Variants in TMEM114 observed in about 807,000 individuals in gnomAD.
The protein encoded by TMEM114 is claudin-26.
In TMEM114, 6 loss-of-function variants were observed where a neutral mutation model predicts 6.2. That is an observed-to-expected ratio of 0.97 (90% CI 0.53 to 1.91). The LOEUF (loss-of-function observed/expected upper bound fraction) is 1.91, where lower values mean the gene tolerates loss of function less well. Ranked by LOEUF, TMEM114 falls within the 40% of genes most tolerant of loss-of-function variation. TMEM114 has a pLI of 0.01. For missense variants in TMEM114, 218 were observed against 158.3 expected (o/e 1.38, Z -2.02); for synonymous variants, 104 against 73.0 (o/e 1.42, Z -2.16).
Position 8,569,693 on chromosome 16 carries a change from G to A in TMEM114, c.*80C>T, listed in dbSNP as rs977516786. 3.4e-6 allele frequency: 5 copies of A among 1,460,132 alleles called. No individual in the cohort carries two copies. The highest frequency in any genetic ancestry group is 2.8e-5 in the South Asian group (2 of 70,762). 90.4% of individuals were successfully genotyped at this position (1,460,132 alleles called of 1,614,324 possible). A position where few individuals can be genotyped will look rare whatever the true frequency, so the allele number is the denominator to read the frequency against. Reference sequence around the variant, plus strand: ...TCCCCGAGTGGCCTTTGAGGAAGAAGAGGCCGCAGCCGATGGAGATCGGTC... The same window carrying A: ...TCCCCGAGTGGCCTTTGAGGAAGAAAAGGCCGCAGCCGATGGAGATCGGTC... On this transcript the variant is annotated 3_prime_UTR_variant, in exon 4 of 4. Transcript: ENST00000620492.
At chr16:8,573,631 T>C (rs1373236798) in intron 2 of TMEM114, among the ~76,000 whole-genome samples, 1 of 152,198 alleles carries the variant, frequency 6.6e-6, no homozygotes, top group Non-Finnish European at 1.5e-5. Context: ...TACTATGAGC[T>C]GGGTGCCAAG....
chr16:8,561,078 C>T (rs780245101), intron 2 of TMEM114, among the ~76,000 whole-genome samples: 3 of 152,300 alleles, frequency 2.0e-5, no homozygotes, highest in Non-Finnish European at 4.4e-5. Flanking sequence ...GGGGAAACTG[C>T]TCCCATGATT....
chr16:8,579,454 TTA>T (rs562171900), intron 2 of TMEM114, among the ~76,000 whole-genome samples: 1 of 150,554 alleles, frequency 6.6e-6, no homozygotes, highest in South Asian at 2.1e-4. Flanking sequence ...TTTTAAAATT[TTA>T]TATATATATA....
downstream of TMEM114, among the ~76,000 whole-genome samples, chr16:8,533,598 T>C (rs1596461879): frequency 6.6e-6 from 1 of 152,240 alleles, no homozygotes; most frequent in Non-Finnish European, 1.5e-5. Flanking sequence ...ACCAAGTGGA[T>C]GCTTTATGGA....
chr16:8,536,218 C>G (rs11864137), downstream of TMEM114, among the ~76,000 whole-genome samples: 2,299 of 146,506 alleles, frequency 0.016, 55 homozygotes, highest in African/African-American at 0.053. Flanking sequence ...GAGCGAAACT[C>G]TGTCTCAAAA....
intron 2 of TMEM114, among the ~76,000 whole-genome samples, chr16:8,553,954 C>G (rs1336761409): frequency 6.6e-6 from 1 of 151,848 alleles, no homozygotes; most frequent in Non-Finnish European, 1.5e-5. Context: ...TCTCAGCTCA[C>G]TGCAACCTCT....
At chr16:8,583,640 T>C (rs62018870) in intron 2 of TMEM114, among the ~76,000 whole-genome samples, 34,612 of 151,716 alleles carry the variant, frequency 0.23, 4,197 homozygotes, top group Middle Eastern at 0.34. Flanking sequence ...CCCAGCTACT[T>C]GGGAGGCTGA....
chr16:8,572,795 A>G (rs1249131617), intron 2 of TMEM114, among the ~76,000 whole-genome samples: 1 of 152,188 alleles, frequency 6.6e-6, no homozygotes, highest in Non-Finnish European at 1.5e-5. Context: ...ATCATTAATT[A>G]TTCATTACAA....
At chr16:8,565,062 T>C (rs200560249), downstream of TMEM114, among the ~76,000 whole-genome samples, 1 of 148,588 alleles carries the variant, frequency 6.7e-6, no homozygotes, top group African/African-American at 2.6e-5. Context: ...AGTGAGTGAG[T>C]GAATGAGTGA....
chr16:8,544,520 C>A (rs780114941), intron 2 of TMEM114, among the ~76,000 whole-genome samples: 6 of 152,172 alleles, frequency 3.9e-5, no homozygotes, highest in Non-Finnish European at 7.3e-5. Flanking sequence ...CTTGATATTG[C>A]TACAGGATAC....
intron 2 of TMEM114, among the ~76,000 whole-genome samples, chr16:8,573,109 A>T (rs1039418918): frequency 1.3e-5 from 2 of 152,194 alleles, no homozygotes; most frequent in Non-Finnish European, 2.9e-5. Flanking sequence ...TGATTGCATC[A>T]TGCAAGCTTT....
At chr16:8,585,347 C>G (rs1394616764) in intron 2 of TMEM114, among the ~76,000 whole-genome samples, 1 of 152,134 alleles carries the variant, frequency 6.6e-6, no homozygotes, top group Non-Finnish European at 1.5e-5. Flanking sequence ...TAACAGTCCT[C>G]CATCTGCCAG....
At chr16:8,576,704 C>CAGGAAGGAAGGA (rs71396282) in intron 2 of TMEM114, among the ~76,000 whole-genome samples, 80 of 129,430 alleles carry the variant, frequency 6.2e-4, no homozygotes, top group East Asian at 7.2e-4. Flanking sequence ...TGAATGAGAG[C>CAGGAAGGAAGGA]AGGAAGGAAG....
chr16:8,529,172 A>G, the TMEM114 span, among the ~76,000 whole-genome samples: 1 of 152,232 alleles, frequency 6.6e-6, no homozygotes. Flanking sequence ...CTCCATCATT[A>G]TGGGAAGAGA....
downstream of TMEM114, among the ~76,000 whole-genome samples, chr16:8,565,033 ATGAG>A (rs1436852866): frequency 1.1e-4 from 16 of 149,078 alleles, no homozygotes; most frequent in South Asian, 4.4e-4. Context: ...GAGTGAGTGA[ATGAG>A]TGAGTGAATG....
chr16:8,573,135 C>G (rs1026810064), intron 2 of TMEM114, among the ~76,000 whole-genome samples: 2 of 152,080 alleles, frequency 1.3e-5, no homozygotes, highest in Admixed American at 1.3e-4. Flanking sequence ...TGGGAAAAAG[C>G]TTTTTGGGGG....
chr16:8,558,267 AC>A (rs1312723426), intron 2 of TMEM114, among the ~76,000 whole-genome samples: 1 of 152,154 alleles, frequency 6.6e-6, no homozygotes, highest in African/African-American at 2.4e-5. Context: ...AAGAAAAAAA[AC>A]AAAGTTCAAA....
chr16:8,531,605 G>A, the TMEM114 span, among the ~76,000 whole-genome samples: 5 of 152,184 alleles, frequency 3.3e-5, no homozygotes, highest in East Asian at 1.9e-4. Context: ...CAGGAACCCC[G>A]TCTGAGACCA....
At chr16:8,529,220 A>G in the TMEM114 span, among the ~76,000 whole-genome samples, 1 of 152,190 alleles carries the variant, frequency 6.6e-6, no homozygotes, top group Non-Finnish European at 1.5e-5. Flanking sequence ...TTTCTCTCTT[A>G]TCACTAGCTT....
Sources: allele counts gnomAD v4.1 joint callset (sites outside exome capture counted in the v4.1 genomes callset), GRCh38; gene constraint gnomAD v4.1.1; transcripts MANE v1.5; gene names NCBI Gene and HGNC (gene_info 2026-07-23, HGNC 2026-07-21).